Variants in USP48 observed in about 807,000 individuals in gnomAD.
USP48 encodes ubiquitin specific peptidase 48, also known as ubiquitin carboxyl-terminal hydrolase 48.
USP48 carries 43 observed loss-of-function variants against 150.7 expected under a neutral mutation model. The ratio of observed to expected loss-of-function variants is 0.29; its 90% CI spans 0.22 to 0.37. The LOEUF (loss-of-function observed/expected upper bound fraction) is 0.37. USP48 is among the 10% of genes least tolerant of loss of function. The pLI is 1.00. For missense variants in USP48, 813 were observed against 1,249.6 expected (o/e 0.65, Z 5.27); for synonymous variants, 396 against 425.9 (o/e 0.93, Z 0.86).
At chr1:21,744,966 T>A (rs1187015990) in intron 8 of USP48, among the ~76,000 whole-genome samples, 1 of 152,114 alleles carries the variant, frequency 6.6e-6, no homozygotes, top group Non-Finnish European at 1.5e-5. Context: ...GATCTTCTTT[T>A]GGATCCATCT....
At chr1:21,751,180 G>A (rs980418821) in intron 6 of USP48, among the ~76,000 whole-genome samples, 3 of 152,168 alleles carry the variant, frequency 2.0e-5, no homozygotes, top group East Asian at 1.9e-4. Context: ...GCACATTCTC[G>A]TTTTCATTAG....
chr1:21,773,878 C>A (rs1255451626), intron 1 of USP48, among the ~76,000 whole-genome samples: 1 of 152,090 alleles, frequency 6.6e-6, no homozygotes, highest in African/African-American at 2.4e-5. Context: ...TGGCTCACAC[C>A]TGTAATCCCA....
intron 5 of USP48, among the ~76,000 whole-genome samples, chr1:21,751,932 C>A (rs532991167): frequency 3.3e-5 from 5 of 149,660 alleles, no homozygotes; most frequent in African/African-American, 1.2e-4. Context: ...GCAGGAGAAT[C>A]GCTTGAACCT....
rs531782601 is a variant in USP48, at chr1:21,688,405, G to C, written c.3010-1166C>G. ...GGCCAATTTTCTTGTATATTTAGTAGAGATGGGGTTTCACCATGCTGGCCA... is the reference window on the plus strand; with the variant it reads ...GGCCAATTTTCTTGTATATTTAGTACAGATGGGGTTTCACCATGCTGGCCA... On this transcript the variant is annotated intron_variant, in intron 24 of 26. Transcript: ENST00000308271. 4.0e-5 allele frequency among the ~76,000 whole-genome samples: 6 copies of C among 151,890 alleles called. No individual in the cohort carries two copies. In the East Asian group the frequency reaches 8.0e-4, roughly 20 times the overall value.
At chr1:21,728,516 T>TA (rs1013418050) in intron 11 of USP48, 54 bp downstream of exon 11, 2 of 1,571,488 alleles carry the variant, frequency 1.3e-6, no homozygotes, top group African/African-American at 2.7e-5. Flanking sequence ...TTTGTGAACA[T>TA]AAAAAAACAA....
chr1:21,680,005 T>C (rs866658282), intron 26 of USP48, among the ~76,000 whole-genome samples: 6 of 152,146 alleles, frequency 3.9e-5, no homozygotes, highest in African/African-American at 1.4e-4. Context: ...ATGACCATTT[T>C]TCATAAAGAC....
rs537779244 is a variant in USP48 at position 21,736,378 on chromosome 1, T to C, written c.1171+68A>G. Reference sequence around the variant, plus strand: ...CATAACAATCTTGAGCCATAATAATTTATCACAAATATTTCTAGTAAAATA... The same window carrying C: ...CATAACAATCTTGAGCCATAATAATCTATCACAAATATTTCTAGTAAAATA... On this transcript the variant is annotated intron_variant, in intron 9 of 26. Coordinates refer to ENST00000308271, the MANE Select transcript of USP48 (RefSeq NM_032236.8). 5.6e-6 allele frequency: 8 copies of C among 1,418,956 alleles called. No homozygotes were observed. In the Admixed American group the frequency reaches 1.1e-4, roughly 20 times the overall value. The allele number at this position is 1,418,956 out of a possible 1,614,324, so 87.9% of individuals were successfully genotyped here. A position where few individuals can be genotyped will look rare whatever the true frequency, so the allele number is the denominator to read the frequency against.
At chr1:21,739,811 C>T (rs976849648) in intron 8 of USP48, among the ~76,000 whole-genome samples, 5 of 152,200 alleles carry the variant, frequency 3.3e-5, no homozygotes, top group Admixed American at 2.0e-4. Context: ...CTCTGCCATC[C>T]ACCACCTCCA....
intron 22 of USP48, among the ~76,000 whole-genome samples, chr1:21,695,773 T>C (rs1007067152): frequency 6.6e-6 from 1 of 152,202 alleles, no homozygotes; most frequent in Non-Finnish European, 1.5e-5. Flanking sequence ...TTACAAAACT[T>C]AGTTCATGAA....
intron 1 of USP48, among the ~76,000 whole-genome samples, chr1:21,765,630 G>A (rs1368394051): frequency 6.6e-6 from 1 of 151,664 alleles, no homozygotes; most frequent in African/African-American, 2.4e-5. Context: ...AAAAAAGGGG[G>A]GGACAGCCCG....
chr1:21,773,469 C>T (rs977719392), intron 1 of USP48, among the ~76,000 whole-genome samples: 1 of 151,548 alleles, frequency 6.6e-6, no homozygotes, highest in African/African-American at 2.4e-5. Flanking sequence ...CAAGACCGGC[C>T]TGGGCAAAAC....
chr1:21,720,841 T>C (rs1263989822), intron 14 of USP48, among the ~76,000 whole-genome samples, 195 bp downstream of exon 14: 1 of 152,090 alleles, frequency 6.6e-6, no homozygotes, highest in Non-Finnish European at 1.5e-5. Flanking sequence ...TAAAATTGTT[T>C]TTTAGGGAAA....
chr1:21,712,324 G>A (rs573989386), intron 15 of USP48, among the ~76,000 whole-genome samples: 7 of 152,102 alleles, frequency 4.6e-5, no homozygotes, highest in Admixed American at 6.5e-5. Flanking sequence ...GCACCATTGC[G>A]CTCCAGCCTG....
intron 25 of USP48, among the ~76,000 whole-genome samples, chr1:21,684,957 A>C (rs927702869): frequency 3.0e-4 from 45 of 152,162 alleles, no homozygotes; most frequent in African/African-American, 1.1e-3. Flanking sequence ...GTATATTTTG[A>C]AACCAGGTAG....
Position 21,721,660 on chromosome 1 carries a change from C to T in USP48, c.1753G>A (p.Ala585Thr), listed in dbSNP as rs2097721234. 9 of 1,593,870 alleles carry T rather than the reference C, an allele frequency of 5.6e-6. No homozygotes were observed. The highest frequency in any genetic ancestry group is 1.3e-5 in the African/African-American group (1 of 74,488). Residue 585 changes from alanine to threonine, a missense_variant, in exon 13 of 27, where the codon GCA (alanine) becomes ACA (threonine). Coordinates refer to ENST00000308271, the MANE Select transcript of USP48 (RefSeq NM_032236.8). ...YKTVNNLLKAAVKGSDGFWVG... is the reference protein window; with the variant it reads ...YKTVNNLLKATVKGSDGFWVG... ...CACTGTGCAACATACCCCTTTACTG[C>T]TGCTTTCAGCAGATTATTAACAGTT...
chr1:21,748,698 G>A (rs1012342776), intron 6 of USP48, among the ~76,000 whole-genome samples: 1 of 152,218 alleles, frequency 6.6e-6, no homozygotes, highest in African/African-American at 2.4e-5. Flanking sequence ...ATCACTTGAG[G>A]CCAGGAATTC....
chr1:21,771,570 T>C (rs529131436), intron 1 of USP48, among the ~76,000 whole-genome samples: 1 of 151,842 alleles, frequency 6.6e-6, no homozygotes, highest in South Asian at 2.1e-4. Flanking sequence ...ATAAAATAAT[T>C]AGAATTGTGG....
At chr1:21,735,361 G>A (rs1213657374) in intron 9 of USP48, among the ~76,000 whole-genome samples, 1 of 121,444 alleles carries the variant, frequency 8.2e-6, no homozygotes, top group Non-Finnish European at 1.8e-5. Context: ...AACACTTTGG[G>A]AGGCCAAGGC....
chr1:21,708,884 C>CAAAAAAAAAA (rs1181628764), intron 15 of USP48, among the ~76,000 whole-genome samples: 1 of 16,562 alleles, frequency 6.0e-5, no homozygotes, highest in African/African-American at 1.6e-4. Flanking sequence ...GACTCCGTCT[C>CAAAAAAAAAA]AAAAAAAAAA....
Sources: allele counts gnomAD v4.1 joint callset (sites outside exome capture counted in the v4.1 genomes callset), GRCh38; gene constraint gnomAD v4.1.1; transcripts MANE v1.5; gene names NCBI Gene and HGNC (gene_info 2026-07-23, HGNC 2026-07-21).